Variants in MGAT4C observed in about 807,000 individuals in gnomAD.
MGAT4C encodes MGAT4 family member C.
Under a neutral mutation model 40.1 loss-of-function variants are expected in MGAT4C, and 19 were observed. The ratio of observed to expected loss-of-function variants is 0.47; its 90% CI spans 0.33 to 0.70. The LOEUF is 0.70. Among genes scored for constraint, MGAT4C ranks in the 30% least tolerant of loss-of-function variants. MGAT4C has a pLI of 0.02. For synonymous variants in MGAT4C, 181 were observed against 187.1 expected (o/e 0.97, Z 0.27); for missense variants, 491 against 563.2 (o/e 0.87, Z 1.30).
chr12:86,543,181 T>G (rs186138063), intron 2 of MGAT4C, among the ~76,000 whole-genome samples: 1 of 151,864 alleles, frequency 6.6e-6, no homozygotes, highest in Admixed American at 6.5e-5. Flanking sequence ...TACAGAAGAG[T>G]TCAAAAAGGA....
chr12:86,832,059 C>A (rs1416962726), intron 1 of MGAT4C, among the ~76,000 whole-genome samples: 1 of 151,690 alleles, frequency 6.6e-6, no homozygotes, highest in Non-Finnish European at 1.5e-5. Flanking sequence ...TCAAATTTGG[C>A]AATAAAATAT....
At chr12:86,280,723 C>A (rs1450574336) in intron 4 of MGAT4C, among the ~76,000 whole-genome samples, 2 of 150,878 alleles carry the variant, frequency 1.3e-5, no homozygotes, top group East Asian at 3.9e-4. Flanking sequence ...TGAAATAACC[C>A]TTTATCATTG....
At chr12:86,072,073 T>C (rs1037543790) in intron 1 of MGAT4C, among the ~76,000 whole-genome samples, 3 of 148,824 alleles carry the variant, frequency 2.0e-5, no homozygotes, top group Admixed American at 1.3e-4. Context: ...CCAACCACTA[T>C]TGAAATCTCT....
intron 1 of MGAT4C, among the ~76,000 whole-genome samples, chr12:86,204,863 A>C (rs903063527): frequency 1.3e-5 from 2 of 152,110 alleles, no homozygotes; most frequent in African/African-American, 2.4e-5. Context: ...TTGAAAACCC[A>C]AAAACATACA....
At chr12:86,429,129 G>A (rs1592836611) in intron 3 of MGAT4C, among the ~76,000 whole-genome samples, 2 of 151,774 alleles carry the variant, frequency 1.3e-5, no homozygotes, top group East Asian at 1.9e-4. Context: ...ACCGCTTTTT[G>A]CTGTATCACC....
At chr12:86,284,353 T>C (rs147521450) in intron 4 of MGAT4C, among the ~76,000 whole-genome samples, 145 of 151,966 alleles carry the variant, frequency 9.5e-4, no homozygotes, top group African/African-American at 3.2e-3. Flanking sequence ...AAAGTAACAA[T>C]GTGGTCCTCG....
At position 86,400,801 on chromosome 12, in the gene MGAT4C, T is replaced by A. The variant is rs9971936; in HGVS notation, c.-120+34356A>T. On this transcript the variant is annotated intron_variant, in intron 3 of 7. Transcript: ENST00000548651. Reference sequence around the variant, plus strand: ...CAGGCTAATATAGAGGTAGTCATAATGACAAAAACAGTCAAAGTAGGATTT... The same window carrying A: ...CAGGCTAATATAGAGGTAGTCATAAAGACAAAAACAGTCAAAGTAGGATTT... Among the ~76,000 whole-genome samples the A allele has an allele frequency of 7.2e-3, 1,089 of 152,302 alleles. 16 individuals carry two copies. The highest frequency in any genetic ancestry group is 0.025 in the African/African-American group (1,046 of 41,560).
intron 3 of MGAT4C, among the ~76,000 whole-genome samples, chr12:86,397,952 C>A (rs1056443325): frequency 2.6e-5 from 4 of 151,968 alleles, no homozygotes; most frequent in Non-Finnish European, 5.9e-5. Flanking sequence ...GACAGAGATG[C>A]CATTTCTTAA....
At chr12:86,533,887 A>C (rs1429626842) in intron 2 of MGAT4C, among the ~76,000 whole-genome samples, 3 of 151,958 alleles carry the variant, frequency 2.0e-5, no homozygotes, top group South Asian at 2.1e-4. Context: ...ACCAGCATAA[A>C]TGTTAAAACA....
At chr12:86,168,590 C>T (rs569363222) in intron 1 of MGAT4C, among the ~76,000 whole-genome samples, 2 of 152,150 alleles carry the variant, frequency 1.3e-5, no homozygotes, top group South Asian at 4.1e-4. Flanking sequence ...TAACTGACTG[C>T]AATGCATAAT....
At chr12:86,037,507 T>A (rs1197788825) in intron 2 of MGAT4C, among the ~76,000 whole-genome samples, 2 of 150,232 alleles carry the variant, frequency 1.3e-5, no homozygotes, top group East Asian at 3.8e-4. Flanking sequence ...TCTCACTGAT[T>A]TCAAAGAACA....
At chr12:86,349,925 TAA>T (rs1399786308) in intron 3 of MGAT4C, among the ~76,000 whole-genome samples, 1 of 152,044 alleles carries the variant, frequency 6.6e-6, no homozygotes, top group East Asian at 1.9e-4. Flanking sequence ...ATTTATTCCA[TAA>T]ATTCTTTCTA....
chr12:86,206,601 G>C (rs1235372722), intron 1 of MGAT4C, among the ~76,000 whole-genome samples: 1 of 151,870 alleles, frequency 6.6e-6, no homozygotes, highest in African/African-American at 2.4e-5. Context: ...TCCTCTTTGA[G>C]CTTTTTTGCT....
At chr12:86,805,509 T>G (rs1008681195) in intron 1 of MGAT4C, among the ~76,000 whole-genome samples, 2 of 151,988 alleles carry the variant, frequency 1.3e-5, no homozygotes, top group Non-Finnish European at 2.9e-5. Context: ...AGATAAAGGG[T>G]CTCCAGCATC....
chr12:86,156,111 A>G (rs537189860), intron 1 of MGAT4C, among the ~76,000 whole-genome samples: 4 of 152,304 alleles, frequency 2.6e-5, no homozygotes, highest in Non-Finnish European at 5.9e-5. Context: ...ACATATATAT[A>G]CAGTTATTTT....
chr12:86,625,322 G>T (rs2136494931), intron 2 of MGAT4C, among the ~76,000 whole-genome samples: 1 of 152,186 alleles, frequency 6.6e-6, no homozygotes, highest in African/African-American at 2.4e-5. Flanking sequence ...TATTTTTATT[G>T]CAGTGTGACA....
At chr12:86,830,324 T>TTCTA (rs1481196806) in intron 1 of MGAT4C, among the ~76,000 whole-genome samples, 1 of 151,758 alleles carries the variant, frequency 6.6e-6, no homozygotes, top group Non-Finnish European at 1.5e-5. Flanking sequence ...CATTTTTAAT[T>TTCTA]TCTATCTGTT....
chr12:86,084,725 A>T (rs1480108978), intron 1 of MGAT4C, among the ~76,000 whole-genome samples: 2 of 145,454 alleles, frequency 1.4e-5, no homozygotes, highest in African/African-American at 5.3e-5. Context: ...TTTCTTATTA[A>T]AAAAAAAAAG....
intron 3 of MGAT4C, among the ~76,000 whole-genome samples, chr12:86,410,275 G>T (rs1041590903): frequency 1.3e-5 from 2 of 152,082 alleles, no homozygotes; most frequent in African/African-American, 4.8e-5. Context: ...GGTACTGCAG[G>T]AGACCAGGGC....
Sources: gnomAD v4.1 joint callset for allele counts (sites outside exome capture counted in the v4.1 genomes callset) on GRCh38, gnomAD v4.1.1 for gene constraint, MANE v1.5 for transcripts, NCBI Gene and HGNC (gene_info 2026-07-23, HGNC 2026-07-21) for gene names.